Variants in RSKR observed in about 807,000 individuals in gnomAD.
RSKR encodes ribosomal protein S6 kinase related, also known as ribosomal protein S6 kinase-related protein.
In RSKR, 44 loss-of-function variants were observed where a neutral mutation model predicts 56.8. That is an observed-to-expected ratio of 0.77 (90% CI 0.61 to 1.00). The LOEUF is 1.00. Among genes scored for constraint, RSKR ranks in the 50% least tolerant of loss-of-function variants. The pLI, the probability that RSKR is intolerant of heterozygous loss-of-function variation, is 0.00. For missense variants in RSKR, 510 were observed against 506.9 expected (o/e 1.01, Z -0.06); for synonymous variants, 181 against 188.0 (o/e 0.96, Z 0.30).
At position 28,611,496 on chromosome 17, in the gene RSKR, G is replaced by C; in HGVS notation, c.812-15C>G. On this transcript the variant is annotated splice_polypyrimidine_tract_variant and intron_variant, in intron 9 of 11. Coordinates refer to ENST00000301037, the MANE Select transcript of RSKR (RefSeq NM_001174103.2). Reference sequence around the variant, plus strand: ...GACCTCTGGGGCTACAGATTTCAAAGATACTCATCACAGACATCCTTTAGC... The same window carrying C: ...GACCTCTGGGGCTACAGATTTCAAACATACTCATCACAGACATCCTTTAGC... 1 of 1,587,706 alleles carries C rather than the reference G, an allele frequency of 6.3e-7. No homozygotes were observed. The highest frequency in any genetic ancestry group is 2.2e-5 in the East Asian group (1 of 44,736).
rs1296603605 is a variant in RSKR, at chr17:28,614,073, G to A, written c.75+14C>T. On this transcript the variant is annotated intron_variant, in intron 1 of 11. Transcript: ENST00000301037. ...CTCCTCCCCTCAGTAGGCTGCCAGA[G>A]CCCCACAGCCTACCTTGTGAGGGAC... The A allele has an allele frequency of 1.2e-6, 2 of 1,610,838 alleles. No individual in the cohort carries two copies. The highest frequency in any genetic ancestry group is 2.7e-5 in the African/African-American group (2 of 74,850).
intron 1 of RSKR, 155 bp from the exon 2 acceptor site, chr17:28,613,843 C>A: frequency 2.6e-6 from 3 of 1,158,344 alleles, no homozygotes; most frequent in Non-Finnish European, 3.6e-6. Flanking sequence ...TTGTGCTAAG[C>A]CCCAGATTTC....
intron 4 of RSKR, 72 bp downstream of exon 4, chr17:28,613,006 T>G: frequency 2.7e-6 from 4 of 1,498,056 alleles, no homozygotes; most frequent in Non-Finnish European, 3.7e-6. Flanking sequence ...GAAAAGAAGG[T>G]GGGCAAGAAA....
Position 28,613,620 on chromosome 17 carries a change from G to C in RSKR, c.144C>G (p.Ile48Met). 1.2e-6 allele frequency: 2 copies of C among 1,614,148 alleles called. No homozygotes were observed. The highest frequency in any genetic ancestry group is 1.7e-6 in the Non-Finnish European group (2 of 1,180,022). The change falls in exon 2 of 12, where the codon ATC becomes ATG. Residue 48 changes from isoleucine (I) to methionine (M), a missense_variant. Ile to Met is a conservative substitution (Grantham distance 10). Transcript: ENST00000301037. ...WKSLWTGLGT[I>M]RSDLEELWEL... ...CCCAGAGTTCTTCCAGATCTGACCT[G>C]ATGGTTCCCAAACCTGTCCAGAGGC...
intron 4 of RSKR, 131 bp downstream of exon 4, chr17:28,612,947 C>G (rs959569628): frequency 2.0e-6 from 2 of 992,598 alleles, no homozygotes; most frequent in Middle Eastern, 2.1e-4. Context: ...TTCCCAGGAT[C>G]TACTTTAGTG....
chr17:28,613,474 G>A lies in RSKR; in HGVS notation c.290C>T (p.Pro97Leu). ...QFINLFLPEF[P>L]IRPIRGQQQL... The stretch of plus-strand genomic sequence containing the variant: ...CTGCTGCCCCCTAATGGGCCTAATG[G>A]GAAACTCTGGTAGAAAGAGGTTGAT... The change falls in exon 2 of 12, where the codon CCC (proline) becomes CTC (leucine). Residue 97 changes from proline (P) to leucine (L), a missense_variant. Transcript: ENST00000301037. 1 of 1,614,194 alleles carries A rather than the reference G, an allele frequency of 6.2e-7. No individual in the cohort carries two copies. The highest frequency in any genetic ancestry group is 8.5e-7 in the Non-Finnish European group (1 of 1,180,038).
Position 28,609,451 on chromosome 17 carries a change from T to C in RSKR, c.*1027A>G, listed in dbSNP as rs1185648361. The C allele has an allele frequency of 6.6e-6, 1 of 152,194 alleles. No homozygotes were observed. The highest frequency in any genetic ancestry group is 1.5e-5 in the Non-Finnish European group (1 of 68,036). The allele number at this position is 152,194 out of a possible 1,614,324, so 9.4% of individuals were successfully genotyped here. ...TTATTTTGGATAACTGTTGCAATTA[T>C]AGACCTAGAGAAGACATTTAACCCA... On this transcript the variant is annotated 3_prime_UTR_variant, in exon 12 of 12. Coordinates refer to ENST00000301037, the MANE Select transcript of RSKR (RefSeq NM_001174103.2).
chr17:28,612,438 C>G, intron 5 of RSKR, 72 bp from the exon 6 acceptor site: 1 of 1,497,164 alleles, frequency 6.7e-7, no homozygotes, highest in South Asian at 1.1e-5. Context: ...AATGCCTGGG[C>G]TCAAGGCATT....
At position 28,613,674 on chromosome 17, in the gene RSKR, G is replaced by A; in HGVS notation, c.90C>T (p.Ile30=). 6.2e-7 allele frequency: 1 copy of A among 1,614,014 alleles called. No homozygotes were observed. The highest frequency in any genetic ancestry group is 1.1e-5 in the South Asian group (1 of 91,072). The change falls in exon 2 of 12, where the codon ATC becomes ATT. Residue 30 remains isoleucine (I), a synonymous_variant. Transcript: ENST00000301037. ...VAVPHKQGGN[I]RGPWARGWKS... ...TCCAGCCTCGGGCCCAGGGACCCCG[G>A]ATGTTGCCACCCTGCTGAGAACCAA...
Position 28,609,649 on chromosome 17 carries a change from G to T in RSKR, c.*829C>A, listed in dbSNP as rs895576901. 7 of 151,344 alleles carry T rather than the reference G, an allele frequency of 4.6e-5. No individual in the cohort carries two copies. The highest frequency in any genetic ancestry group is 1.5e-4 in the African/African-American group (6 of 41,172). 9.4% of individuals were successfully genotyped at this position (151,344 alleles called of 1,614,324 possible). A position where few individuals can be genotyped will look rare whatever the true frequency, so the allele number is the denominator to read the frequency against. Reference sequence around the variant, plus strand: ...AGACTTTTGAAAAATTCACAGGCTGGGTGTGGAGGCTCATGCCTGTGAAGG... The same window carrying T: ...AGACTTTTGAAAAATTCACAGGCTGTGTGTGGAGGCTCATGCCTGTGAAGG... On this transcript the variant is annotated 3_prime_UTR_variant, in exon 12 of 12. Coordinates refer to ENST00000301037, the MANE Select transcript of RSKR (RefSeq NM_001174103.2).
rs1054497718 is a variant in RSKR, at chr17:28,610,729, T to G, written c.1012-30A>C. 4 of 1,527,078 alleles carry G rather than the reference T, an allele frequency of 2.6e-6. No individual in the cohort carries two copies. The African/African-American group carries it at 5.5e-5, about 21-fold the overall frequency. 94.6% of individuals were successfully genotyped at this position (1,527,078 alleles called of 1,614,324 possible). On this transcript the variant is annotated intron_variant, in intron 11 of 11. Coordinates refer to ENST00000301037, the MANE Select transcript of RSKR (RefSeq NM_001174103.2). The stretch of plus-strand genomic sequence containing the variant: ...AGGAAAATAGAGCATGAAGGATGAG[T>G]GACTAGGACAGGACAGGCCTGAACA...
rs771831438 is a variant in RSKR at position 28,612,662 on chromosome 17, T to G, written c.503A>C (p.His168Pro). Reference sequence around the variant, plus strand: ...TCCCTGCCAGCTGTCCCCCAAGCTGTGTACAAAGGGATGGTTGATCTGTCG... The same window carrying G: ...TCCCTGCCAGCTGTCCCCCAAGCTGGGTACAAAGGGATGGTTGATCTGTCG... ...IQRQINHPFV[H>P]SLGDSWQGKR... The change falls in exon 5 of 12, where the codon CAC becomes CCC. Residue 168 changes from histidine to proline, a missense_variant. Physicochemically the swap from His to Pro is moderately conservative, Grantham distance 77. Coordinates refer to ENST00000301037, the MANE Select transcript of RSKR (RefSeq NM_001174103.2). The G allele has an allele frequency of 6.2e-6, 10 of 1,613,936 alleles. No individual in the cohort carries two copies. The South Asian group carries it at 1.1e-4, about 18-fold the overall frequency.
rs535043408 is a variant in RSKR, at chr17:28,610,660, G to A, written c.1051C>T (p.His351Tyr). 2.0e-6 allele frequency: 3 copies of A among 1,536,140 alleles called. No individual in the cohort carries two copies. Among genetic ancestry groups the A allele is most frequent in the Non-Finnish European group, 2.6e-6 (3 of 1,146,916 alleles). ...QNPLHRLRYL[H>Y]HFQVHPFFRG... ...AAGAAAGGGTGGACCTGGAAGTGAT[G>A]CAGATAACGTAGACGATGGAGGGGG... Residue 351 changes from histidine to tyrosine, a missense_variant, in exon 12 of 12, where the codon CAT becomes TAT. Physicochemically the swap from His to Tyr is moderately conservative, Grantham distance 83. Transcript: ENST00000301037.
In RSKR at chr17:28,611,409, G is replaced by A. The variant is rs767929951; in HGVS notation, c.884C>T (p.Ser295Phe). 2 of 1,596,962 alleles carry A rather than the reference G, an allele frequency of 1.3e-6. No homozygotes were observed. The highest frequency in any genetic ancestry group is 1.3e-5 in the African/African-American group (1 of 74,756). ...TTCTCTCACCTTTCCAGTCGCCAGAGAGAAAAGCAAGACACCCAGGGACCA... is the reference window on the plus strand; with the variant it reads ...TTCTCTCACCTTTCCAGTCGCCAGAAAGAAAAGCAAGACACCCAGGGACCA... Reference protein sequence around the residue: ...DWWSLGVLLFSLATGKFPVAA... With the variant: ...DWWSLGVLLFFLATGKFPVAA... The change falls in exon 10 of 12, where the codon TCT becomes TTT. Residue 295 changes from serine to phenylalanine, a missense_variant. Transcript: ENST00000301037.
intron 7 of RSKR, 54 bp from the exon 8 acceptor site, chr17:28,611,849 A>G: frequency 6.2e-7 from 1 of 1,613,756 alleles, no homozygotes; most frequent in Non-Finnish European, 8.5e-7. Flanking sequence ...ACTCTCTTTC[A>G]TCATGTATAC....
chr17:28,613,895 A>C, intron 1 of RSKR, 192 bp downstream of exon 1: 1 of 1,002,262 alleles, frequency 1.0e-6, no homozygotes, highest in Non-Finnish European at 1.4e-6. Context: ...ATTGTTGGAC[A>C]TTTTCACCAT....
chr17:28,613,951 C>T lies in RSKR; in HGVS notation c.75+136G>A, dbSNP rs969666817. The T allele has an allele frequency of 5.1e-6, 6 of 1,184,420 alleles. No individual in the cohort carries two copies. The African/African-American group carries it at 9.2e-5, about 18-fold the overall frequency. 73.4% of individuals were successfully genotyped at this position (1,184,420 alleles called of 1,614,324 possible). On this transcript the variant is annotated intron_variant, in intron 1 of 11. Transcript: ENST00000301037. ...TGCACCTCAGTATTGGGCTGTGATG[C>T]TTTCATAGTACAGCCTCCCTGCCCC...
rs2070793680 is a variant in RSKR, at chr17:28,610,291, A to C, written c.*187T>G. 1 of 602,018 alleles carries C rather than the reference A, an allele frequency of 1.7e-6. No individual in the cohort carries two copies. The highest frequency in any genetic ancestry group is 2.9e-6 in the Non-Finnish European group (1 of 341,294). 37.3% of individuals were successfully genotyped at this position (602,018 alleles called of 1,614,324 possible). On this transcript the variant is annotated 3_prime_UTR_variant, in exon 12 of 12. Transcript: ENST00000301037. ...GAGGTAGGTTGTATGATAGGGAAGG[A>C]ATAGGGCCAGCTGTGGCTGCCAGTA...
intron 4 of RSKR, 70 bp from the exon 5 acceptor site, chr17:28,612,757 G>C (rs2070837761): frequency 6.7e-7 from 1 of 1,500,176 alleles, no homozygotes. Context: ...TGAGAAATCA[G>C]GTTTTACCCA....
Sources: allele counts gnomAD v4.1 joint callset, GRCh38; gene constraint gnomAD v4.1.1; transcripts MANE v1.5; gene names NCBI Gene and HGNC (gene_info 2026-07-23, HGNC 2026-07-21).